ZNF208: variants seen among roughly 807,000 people sequenced by gnomAD.
ZNF208 encodes the protein zinc finger protein 208, also known as zinc finger protein 95.
In ZNF208, 10 loss-of-function variants were observed where a neutral mutation model predicts 12.1. The observed-to-expected ratio is 0.83, with a 90% CI of 0.51 to 1.40. The LOEUF (loss-of-function observed/expected upper bound fraction) is 1.40. Ranked by LOEUF, ZNF208 falls within the 40% of genes most tolerant of loss-of-function variation. The probability of loss-of-function intolerance (pLI) is 0.00; values close to 1 mark genes in which losing one functional copy is unlikely to be tolerated. For missense variants in ZNF208, 1,652 were observed against 1,485.0 expected (o/e 1.11, Z -1.85); for synonymous variants, 497 against 488.4 (o/e 1.02, Z -0.23).
At chr19:21,964,753 T>C (rs1216405595), downstream of ZNF208, among the ~76,000 whole-genome samples, 2 of 151,804 alleles carry the variant, frequency 1.3e-5, no homozygotes, top group Non-Finnish European at 2.9e-5. Context: ...TGGTCTATAG[T>C]TTCTGAGTTT....
At position 21,971,463 on chromosome 19, in the gene ZNF208, G is replaced by A. The variant is rs1265730660; in HGVS notation, c.3571C>T (p.His1191Tyr). 3 of 1,611,144 alleles carry A rather than the reference G, an allele frequency of 1.9e-6. No homozygotes were observed. Among genetic ancestry groups the A allele is most frequent in the South Asian group, 2.2e-5 (2 of 91,052 alleles). Residue 1191 changes from histidine (H) to tyrosine (Y), a missense_variant, in exon 4 of 4, where the codon CAT (histidine) becomes TAT (tyrosine). Physicochemically the swap from His to Tyr is moderately conservative, Grantham distance 83. This residue lies in a region of ZNF208 where 1,239 missense variants were observed against 1,086.2 expected (regional missense o/e 1.14). Coordinates refer to ENST00000397126, the MANE Select transcript of ZNF208 (RefSeq NM_007153.3). ...FSILAKHKVI[H>Y]TGEKLYKCEE... Reference sequence around the variant, plus strand: ...CATTTGTAGAGTTTCTCTCCAGTATGAATTACCTTATGTTTTGCAAGGATT... The same window carrying A: ...CATTTGTAGAGTTTCTCTCCAGTATAAATTACCTTATGTTTTGCAAGGATT...
rs928125945 is a variant in ZNF208 at position 21,974,144 on chromosome 19, A to T, written c.890T>A (p.Val297Asp). Residue 297 changes from valine to aspartate, a missense_variant, in exon 4 of 4, where the codon GTC (valine) becomes GAC (aspartate). Physicochemically the swap from Val to Asp is radical, Grantham distance 152 (BLOSUM62 -3). Around this residue, in one of 3 missense-constraint regions of ZNF208, gnomAD observed 410 missense variants for 378.2 expected, o/e 1.08. Transcript: ENST00000397126. ...TGCCTTATGTGTAGTAAGAGTCGAG[A>T]CCTTACTAAAGGCTTTGCCACATTC... The part of the protein sequence containing the change: ...CEECGKAFSK[V>D]STLTTHKAIH... 3 of 1,609,770 alleles carry T rather than the reference A, an allele frequency of 1.9e-6. No individual in the cohort carries two copies. The highest frequency in any genetic ancestry group is 2.7e-5 in the African/African-American group (2 of 73,886).
chr19:21,997,139 T>C (rs1970851553), intron 1 of ZNF208, among the ~76,000 whole-genome samples: 1 of 152,220 alleles, frequency 6.6e-6, no homozygotes, highest in African/African-American at 2.4e-5. Context: ...AATTGTTTTA[T>C]TACACAATTA....
At position 21,973,961 on chromosome 19, in the gene ZNF208, T is replaced by C; in HGVS notation, c.1073A>G (p.Lys358Arg). The change falls in exon 4 of 4, where the codon AAA (lysine) becomes AGA (arginine). Residue 358 changes from lysine to arginine, a missense_variant. Around this residue, in one of 3 missense-constraint regions of ZNF208, gnomAD observed 1,239 missense variants for 1,086.2 expected, o/e 1.14. Coordinates refer to ENST00000397126, the MANE Select transcript of ZNF208 (RefSeq NM_007153.3). ...CTCTCCAGTATGAATTACCTTATGT[T>C]TAGTAAGGATTGAGAACTTACTAAA... ...KAFSKFSILT[K>R]HKVIHTGEKP... is the part of the protein sequence containing the mutation. 2 of 1,613,418 alleles carry C rather than the reference T, an allele frequency of 1.2e-6. No individual in the cohort carries two copies. Among genetic ancestry groups the C allele is most frequent in the Non-Finnish European group, 1.7e-6 (2 of 1,179,812 alleles).
At chr19:21,976,065 C>CA (rs1377816449) in intron 3 of ZNF208, among the ~76,000 whole-genome samples, 1 of 152,012 alleles carries the variant, frequency 6.6e-6, no homozygotes, top group African/African-American at 2.4e-5. Context: ...CTAGGAAAGA[C>CA]ATGCACAGAC....
In ZNF208 at chr19:21,970,515, T is replaced by C. The variant is rs146087898; in HGVS notation, c.*676A>G. On this transcript the variant is annotated 3_prime_UTR_variant, in exon 4 of 4. Transcript: ENST00000397126. ...ATTAATAGTTTTGCCACATTTTTCA[T>C]ATTTGTAGGGTTTTTCCTCCAGTAT... Among the ~76,000 whole-genome samples the C allele has an allele frequency of 4.3e-4, 66 of 152,268 alleles. No homozygotes were observed. Among genetic ancestry groups the C allele is most frequent in the African/African-American group, 1.5e-3 (63 of 41,570 alleles).
At chr19:21,984,922 T>TG (rs1264073492) in intron 3 of ZNF208, among the ~76,000 whole-genome samples, 1 of 152,180 alleles carries the variant, frequency 6.6e-6, no homozygotes, top group Non-Finnish European at 1.5e-5. Context: ...GCGACACATA[T>TG]ACTTTAACAT....
At chr19:22,002,845 C>T (rs1970976435) in intron 1 of ZNF208, among the ~76,000 whole-genome samples, 1 of 152,156 alleles carries the variant, frequency 6.6e-6, no homozygotes, top group African/African-American at 2.4e-5. Context: ...AAAGAACAAA[C>T]TATTTTAAAA....
At chr19:21,951,170 G>C (rs1969881855) in intron 4 of ZNF208, among the ~76,000 whole-genome samples, 1 of 152,146 alleles carries the variant, frequency 6.6e-6, no homozygotes, top group African/African-American at 2.4e-5. Flanking sequence ...CTGTCAACCT[G>C]CCAGCTTCAC....
rs1311330000 is a variant in ZNF208 at position 21,970,800 on chromosome 19, TTA to T, written c.*389_*390del. On this transcript the variant is annotated 3_prime_UTR_variant, in exon 4 of 4. Transcript: ENST00000397126. The stretch of plus-strand genomic sequence containing the variant: ...GAATTTCTCTCCAGCATGAATTTTC[TTA>T]TGTTTACTAAAGACTGAGAACCAGC... The T allele has an allele frequency of 1.7e-5, 25 of 1,451,360 alleles. No homozygotes were observed. The highest frequency in any genetic ancestry group is 2.3e-5 in the East Asian group (1 of 43,822). 89.9% of individuals were successfully genotyped at this position (1,451,360 alleles called of 1,614,324 possible). A position where few individuals can be genotyped will look rare whatever the true frequency, so the allele number is the denominator to read the frequency against.
chr19:22,004,466 T>C (rs1971011205), intron 1 of ZNF208, among the ~76,000 whole-genome samples: 1 of 152,028 alleles, frequency 6.6e-6, no homozygotes, highest in Non-Finnish European at 1.5e-5. Flanking sequence ...TGCGCCGAGA[T>C]CAAGCCACTG....
At chr19:21,980,634 C>A (rs777470658) in intron 3 of ZNF208, among the ~76,000 whole-genome samples, 1 of 152,076 alleles carries the variant, frequency 6.6e-6, no homozygotes, top group Non-Finnish European at 1.5e-5. Context: ...AAAATTGACA[C>A]CCTAACATCA....
chr19:21,977,442 T>G (rs1599619438), intron 3 of ZNF208, among the ~76,000 whole-genome samples: 1 of 152,092 alleles, frequency 6.6e-6, no homozygotes, highest in Non-Finnish European at 1.5e-5. Context: ...CAAAGCAGGG[T>G]GGGATGTCGT....
At chr19:22,006,380 T>C (rs1971044597) in intron 1 of ZNF208, among the ~76,000 whole-genome samples, 1 of 152,168 alleles carries the variant, frequency 6.6e-6, no homozygotes, top group African/African-American at 2.4e-5. Context: ...TTTTTTTTAA[T>C]GTACGTCTAA....
chr19:21,953,822 G>A (rs769028309), intron 4 of ZNF208, among the ~76,000 whole-genome samples: 1 of 151,746 alleles, frequency 6.6e-6, no homozygotes, highest in African/African-American at 2.4e-5. Flanking sequence ...GGTTTTTTGT[G>A]TCTCTATCTC....
rs376797570 is a variant in ZNF208 at position 21,974,499 on chromosome 19, C to T, written c.535G>A (p.Val179Ile). ...GKKHLQCKEY[V>I]RSFCMLSHLS... Reference sequence around the variant, plus strand: ...TGTGAAAGCATGCAAAATGATCTGACGTATTCTTTACATTGCAAATGTTTC... The same window carrying T: ...TGTGAAAGCATGCAAAATGATCTGATGTATTCTTTACATTGCAAATGTTTC... Residue 179 changes from valine to isoleucine, a missense_variant, in exon 4 of 4, where the codon GTC (valine) becomes ATC (isoleucine). Physicochemically the swap from Val to Ile is conservative, Grantham distance 29. Coordinates refer to ENST00000397126, the MANE Select transcript of ZNF208 (RefSeq NM_007153.3). 1.5e-5 allele frequency: 25 copies of T among 1,613,570 alleles called. No individual in the cohort carries two copies. The highest frequency in any genetic ancestry group is 3.3e-5 in the South Asian group (3 of 91,072).
intron 4 of ZNF208, among the ~76,000 whole-genome samples, chr19:21,947,206 T>A (rs901981327): frequency 1.3e-5 from 2 of 152,168 alleles, no homozygotes; most frequent in Non-Finnish European, 2.9e-5. Context: ...AATACAGTAA[T>A]AAACATTCAT....
At chr19:21,976,783 G>C (rs1293726602) in intron 3 of ZNF208, among the ~76,000 whole-genome samples, 1 of 152,036 alleles carries the variant, frequency 6.6e-6, no homozygotes, top group African/African-American at 2.4e-5. Context: ...CTGGTCTTGA[G>C]CTCCTGACCT....
In ZNF208 at chr19:21,987,459, T is replaced by TG. The variant is rs201312430; in HGVS notation, c.131-149dup. 3,829 of 917,152 alleles carry TG rather than the reference T, an allele frequency of 4.2e-3. 88 individuals carry two copies. The African/African-American group carries it at 0.057, about 14-fold the overall frequency. The allele number at this position is 917,152 out of a possible 1,614,324, so 56.8% of individuals were successfully genotyped here. A position where few individuals can be genotyped will look rare whatever the true frequency, so the allele number is the denominator to read the frequency against. On this transcript the variant is annotated intron_variant, in intron 2 of 3. Transcript: ENST00000397126. ...TATAATAAGTTGGGAAAAAGGCTTA[T>TG]GGGGTGCCTGTATAAGCTGGCCATA...
Sources: gnomAD v4.1 joint callset for allele counts (sites outside exome capture counted in the v4.1 genomes callset) on GRCh38, gnomAD v4.1.1 for gene constraint, gnomAD v4.1.1 regional missense constraint, MANE v1.5 for transcripts, NCBI Gene and HGNC (gene_info 2026-07-23, HGNC 2026-07-21) for gene names.